Variants in STRN observed in about 807,000 individuals in gnomAD.
The protein encoded by STRN is protein phosphatase 2 regulatory subunit B'''alpha.
STRN carries 53 observed loss-of-function variants against 96.3 expected under a neutral mutation model. The observed-to-expected ratio is 0.55, with a 90% CI of 0.44 to 0.69. The LOEUF is 0.69. Ranked by LOEUF, STRN falls within the 30% of genes least tolerant of loss-of-function variation. STRN has a pLI of 0.00. For synonymous variants in STRN, 428 were observed against 355.9 expected (o/e 1.20, Z -2.28); for missense variants, 987 against 963.9 (o/e 1.02, Z -0.32).
At chr2:36,863,998 A>G (rs186526967) in intron 12 of STRN, among the ~76,000 whole-genome samples, 14 of 152,344 alleles carry the variant, frequency 9.2e-5, no homozygotes, top group Non-Finnish European at 1.8e-4. Context: ...ATTTTCATAC[A>G]TTGATTTTAT....
At position 36,851,061 on chromosome 2, in the gene STRN, A is replaced by C. The variant is rs767668762; in HGVS notation, c.2025T>G (p.Thr675=). The C allele has an allele frequency of 1.4e-5, 23 of 1,613,810 alleles. No individual in the cohort carries two copies. The highest frequency in any genetic ancestry group is 1.5e-5 in the Non-Finnish European group (18 of 1,179,922). ...CATGAGCAGTGATGCTGATCGGAAG[A>C]GTAGGATGACTGATGACTCTATTTA... ...CQINRVISHP[T]LPISITAHED... Residue 675 remains threonine (T), a synonymous_variant, in exon 16 of 18, where the codon ACT becomes ACG. Coordinates refer to ENST00000263918, the MANE Select transcript of STRN (RefSeq NM_003162.4).
Position 36,851,021 on chromosome 2 carries a change from T to C in STRN, c.2065A>G (p.Lys689Glu). The C allele has an allele frequency of 6.2e-7, 1 of 1,612,040 alleles. No homozygotes were observed. Among genetic ancestry groups the C allele is most frequent in the Non-Finnish European group, 8.5e-7 (1 of 1,178,802 alleles). ...TTACCTGTATTGTTATCATAGAATT[T>C]GATGTGCCTGTCTTCATGAGCAGTG... ...SITAHEDRHI[K>E]FYDNNTGKLI... The change falls in exon 16 of 18, where the codon AAA becomes GAA. Residue 689 changes from lysine to glutamate, a missense_variant. Lys to Glu is a moderately conservative substitution (Grantham distance 56). Transcript: ENST00000263918.
chr2:36,943,249 A>C (rs963421270), intron 1 of STRN, among the ~76,000 whole-genome samples: 1 of 152,056 alleles, frequency 6.6e-6, no homozygotes, highest in Non-Finnish European at 1.5e-5. Flanking sequence ...CTTTATCCTC[A>C]TCCCACTCCC....
chr2:36,934,979 G>A (rs999388835), intron 1 of STRN, among the ~76,000 whole-genome samples: 6 of 152,246 alleles, frequency 3.9e-5, no homozygotes, highest in African/African-American at 1.4e-4. Context: ...TCGGGAGGCT[G>A]AGGCACAAGA....
At position 36,902,588 on chromosome 2, in the gene STRN, T is replaced by C; in HGVS notation, c.655A>G (p.Ile219Val). Residue 219 changes from isoleucine (I) to valine (V), a missense_variant, in exon 5 of 18, where the codon ATT becomes GTT. Coordinates refer to ENST00000263918, the MANE Select transcript of STRN (RefSeq NM_003162.4). ...CTTTCCAGACAAAATACTTACGCAA[T>C]CATTGCTGTCTCTTTAACTTCAGCC... ...TEAEVKETAM[I>V]AKSELTDSAS... The C allele has an allele frequency of 6.3e-7, 1 of 1,598,134 alleles. No homozygotes were observed. Among genetic ancestry groups the C allele is most frequent in the South Asian group, 1.1e-5 (1 of 88,458 alleles).
chr2:36,923,589 C>T (rs1670321372), intron 2 of STRN, among the ~76,000 whole-genome samples: 1 of 152,102 alleles, frequency 6.6e-6, no homozygotes, highest in African/African-American at 2.4e-5. Context: ...AGAGGTCAAC[C>T]TATTTTCAAT....
chr2:36,838,249 A>G lies in STRN; in HGVS notation c.*11207T>C, dbSNP rs968697553. On this transcript the variant is annotated 3_prime_UTR_variant, in exon 18 of 18. Transcript: ENST00000263918. ...CAGATTTGACAGTCAGCTAGGAGAC[A>G]GGGACCTCCATCCTCTGACTTTAAT... 2.0e-5 allele frequency among the ~76,000 whole-genome samples: 3 copies of G among 152,236 alleles called. No individual in the cohort carries two copies. The highest frequency in any genetic ancestry group is 7.2e-5 in the African/African-American group (3 of 41,464).
At chr2:36,884,438 T>G (rs1001554215) in intron 8 of STRN, among the ~76,000 whole-genome samples, 1 of 152,212 alleles carries the variant, frequency 6.6e-6, no homozygotes, top group African/African-American at 2.4e-5. Context: ...TCCCTGTTTG[T>G]TTAAATTAAG....
chr2:36,874,825 G>C (rs1229038918), intron 10 of STRN, among the ~76,000 whole-genome samples: 2 of 150,430 alleles, frequency 1.3e-5, no homozygotes, highest in Non-Finnish European at 1.5e-5. Context: ...AAGACACAGA[G>C]AGAACTGGAT....
intron 14 of STRN, 57 bp from the exon 15 acceptor site, chr2:36,855,409 C>T: frequency 6.3e-7 from 1 of 1,577,890 alleles, no homozygotes; most frequent in Non-Finnish European, 8.6e-7. Context: ...TGACAATCTG[C>T]TTAAAATAGA....
At position 36,902,722 on chromosome 2, in the gene STRN, G is replaced by A; in HGVS notation, c.521C>T (p.Thr174Ile). ...TCGTTTAGATTTCACATCTAGAATA[G>A]TATCTGTATAACCCACCTCCTGTAG... ...QYLQEVGYTD[T>I]ILDVKSKRVR... is the part of the protein sequence containing the mutation. Residue 174 changes from threonine to isoleucine, a missense_variant, in exon 5 of 18, where the codon ACT becomes ATT. By Grantham distance (89) the Thr-to-Ile change is moderately conservative (BLOSUM62 -1). Coordinates refer to ENST00000263918, the MANE Select transcript of STRN (RefSeq NM_003162.4). 6.8e-6 allele frequency: 11 copies of A among 1,610,356 alleles called. No homozygotes were observed. Among genetic ancestry groups the A allele is most frequent in the Non-Finnish European group, 9.3e-6 (11 of 1,177,556 alleles).
At chr2:36,952,193 C>T (rs992257532) in intron 1 of STRN, among the ~76,000 whole-genome samples, 1 of 152,166 alleles carries the variant, frequency 6.6e-6, no homozygotes, top group Admixed American at 6.5e-5. Flanking sequence ...ATACTATTAA[C>T]CTGAAACAAA....
chr2:36,877,052 A>G (rs1668933856), intron 10 of STRN, among the ~76,000 whole-genome samples: 1 of 152,114 alleles, frequency 6.6e-6, no homozygotes, highest in African/African-American at 2.4e-5. Context: ...CCAGCCCTAT[A>G]AACACATTTA....
intron 10 of STRN, among the ~76,000 whole-genome samples, chr2:36,871,561 A>G (rs1668763543): frequency 6.6e-6 from 1 of 152,214 alleles, no homozygotes; most frequent in African/African-American, 2.4e-5. Flanking sequence ...TAAGCAATGT[A>G]TGACTGTACT....
chr2:36,944,856 G>T (rs1445371657), intron 1 of STRN, among the ~76,000 whole-genome samples: 2 of 152,124 alleles, frequency 1.3e-5, no homozygotes, highest in African/African-American at 4.8e-5. Context: ...ATATAAGTAG[G>T]AGATATAACT....
chr2:36,945,257 G>C lies in STRN; in HGVS notation c.235-20049C>G, dbSNP rs1048184307. Among the ~76,000 whole-genome samples, 4 of 152,290 alleles carry C rather than the reference G, an allele frequency of 2.6e-5. No homozygotes were observed. The East Asian group carries it at 7.7e-4, about 29-fold the overall frequency. On this transcript the variant is annotated intron_variant, in intron 1 of 17. Coordinates refer to ENST00000263918, the MANE Select transcript of STRN (RefSeq NM_003162.4). ...GAGGAATAGAGATAAAAATGGGTAA[G>C]TAAATTAAACAACAGAGGGACCATG...
At chr2:36,890,232 T>G (rs760394185) in intron 7 of STRN, among the ~76,000 whole-genome samples, 74 of 152,268 alleles carry the variant, frequency 4.9e-4, no homozygotes, top group Non-Finnish European at 9.3e-4. Context: ...ATCTCCTTGG[T>G]TTCCAGACTT....
chr2:36,888,639 ATGTGTGTG>A (rs70946958), intron 7 of STRN, among the ~76,000 whole-genome samples: 215 of 145,222 alleles, frequency 1.5e-3, no homozygotes, highest in Non-Finnish European at 2.2e-3. Flanking sequence ...TTTAATTTAT[ATGTGTGTG>A]TGTGTGTGTG....
chr2:36,877,909 T>C lies in STRN; in HGVS notation c.1305A>G (p.Ala435=). ...ELAGLTVANE[A]DSLTYDIANN... ...TACTTACATCATAAGTTAGTGAGTCTGCTTCATTGGCCACCGTAAGGCCTG... is the reference window on the plus strand; with the variant it reads ...TACTTACATCATAAGTTAGTGAGTCCGCTTCATTGGCCACCGTAAGGCCTG... Residue 435 remains alanine (A), a synonymous_variant, in exon 10 of 18, where the codon GCA becomes GCG. Coordinates refer to ENST00000263918, the MANE Select transcript of STRN (RefSeq NM_003162.4). 3 of 1,614,198 alleles carry C rather than the reference T, an allele frequency of 1.9e-6. No individual in the cohort carries two copies. The highest frequency in any genetic ancestry group is 4.5e-5 in the East Asian group (2 of 44,882).
Sources: allele counts gnomAD v4.1 joint callset (sites outside exome capture counted in the v4.1 genomes callset), GRCh38; gene constraint gnomAD v4.1.1; transcripts MANE v1.5; gene names NCBI Gene and HGNC (gene_info 2026-07-23, HGNC 2026-07-21).